CNIH3: variants seen among roughly 807,000 people sequenced by gnomAD.
CNIH3 encodes cornichon family AMPA receptor auxiliary protein 3, also known as protein cornichon homolog 3.
CNIH3 carries 14 observed loss-of-function variants against 24.1 expected under a neutral mutation model. The observed-to-expected ratio is 0.58, with a 90% CI of 0.38 to 0.91. The LOEUF (loss-of-function observed/expected upper bound fraction) is 0.91. Among genes scored for constraint, CNIH3 ranks in the 40% least tolerant of loss-of-function variants. The pLI is 0.00. For synonymous variants in CNIH3, 68 were observed against 73.8 expected (o/e 0.92, Z 0.40); for missense variants, 178 against 196.8 (o/e 0.90, Z 0.57).
intron 1 of CNIH3, among the ~76,000 whole-genome samples, chr1:224,462,004 CT>C (rs1227513896): frequency 9.9e-5 from 15 of 151,990 alleles, no homozygotes; most frequent in Non-Finnish European, 5.9e-5. Flanking sequence ...AAAAAAAAGA[CT>C]TTTACTTTTT....
Position 224,694,456 on chromosome 1 carries a change from C to T in CNIH3, c.198+9613C>T, listed in dbSNP as rs371303286. Among the ~76,000 whole-genome samples the T allele has an allele frequency of 7.9e-5, 12 of 152,242 alleles. No individual in the cohort carries two copies. In the East Asian group the frequency reaches 9.7e-4, roughly 12 times the overall value. On this transcript the variant is annotated intron_variant, in intron 3 of 5. Transcript: ENST00000272133. ...GGATTGATGATTAAACATACGACTC[C>T]GCAAGGTAGATTCCTATCCACCCAG...
Position 224,667,140 on chromosome 1 carries a change from C to T in CNIH3, c.82-13818C>T, listed in dbSNP as rs115738293. ...TTCAGTGAATGAAATAACTCTGACT[C>T]GTGAGTTGACCTGGCACAGTCCCAG... On this transcript the variant is annotated intron_variant, in intron 1 of 5. Coordinates refer to ENST00000272133, the MANE Select transcript of CNIH3 (RefSeq NM_152495.2). Among the ~76,000 whole-genome samples the T allele has an allele frequency of 4.1e-3, 629 of 152,254 alleles. 6 individuals are homozygous for T. Among genetic ancestry groups the T allele is most frequent in the African/African-American group, 0.014 (595 of 41,538 alleles).
chr1:224,637,245 G>A (rs890908239), intron 1 of CNIH3, among the ~76,000 whole-genome samples: 2 of 152,104 alleles, frequency 1.3e-5, no homozygotes, highest in Non-Finnish European at 2.9e-5. Context: ...GAACCACCAC[G>A]CCCAGCGAGA....
chr1:224,614,775 C>T (rs61247305), upstream of CNIH3, among the ~76,000 whole-genome samples: 4,162 of 151,930 alleles, frequency 0.027, 165 homozygotes, highest in African/African-American at 0.079. Context: ...GGTGAAACCC[C>T]GTCTTTACTA....
chr1:224,688,792 G>A (rs563098859), intron 3 of CNIH3, among the ~76,000 whole-genome samples: 166 of 152,046 alleles, frequency 1.1e-3, no homozygotes, highest in African/African-American at 3.7e-3. Flanking sequence ...GGGCGTGGTG[G>A]TGGGCGCCTG....
chr1:224,730,097 C>T (rs1689242648), intron 3 of CNIH3, among the ~76,000 whole-genome samples: 1 of 152,176 alleles, frequency 6.6e-6, no homozygotes, highest in Non-Finnish European at 1.5e-5. Context: ...GAAACCCTTG[C>T]AGTATTTCTC....
At chr1:224,691,920 C>G (rs1294831893) in intron 3 of CNIH3, among the ~76,000 whole-genome samples, 1 of 152,128 alleles carries the variant, frequency 6.6e-6, no homozygotes, top group Non-Finnish European at 1.5e-5. Context: ...TTTCTTTGAC[C>G]TAAGTGGGGG....
intron 1 of CNIH3, among the ~76,000 whole-genome samples, chr1:224,474,423 A>C (rs1480765017): frequency 1.3e-5 from 2 of 152,064 alleles, no homozygotes; most frequent in Non-Finnish European, 2.9e-5. Flanking sequence ...TGATAGTGGA[A>C]ACACAACATA....
chr1:224,465,548 C>T (rs547867009), intron 1 of CNIH3, among the ~76,000 whole-genome samples: 1 of 152,330 alleles, frequency 6.6e-6, no homozygotes, highest in African/African-American at 2.4e-5. Flanking sequence ...GTTTTACTTA[C>T]ACATTTGTTA....
At chr1:224,579,065 T>C (rs531279889) in intron 4 of CNIH3, among the ~76,000 whole-genome samples, 2 of 148,230 alleles carry the variant, frequency 1.3e-5, no homozygotes, top group East Asian at 4.1e-4. Context: ...TGTTTCTTTT[T>C]TCTTTTTTTT....
intron 1 of CNIH3, among the ~76,000 whole-genome samples, chr1:224,620,014 A>G (rs973428431): frequency 2.0e-5 from 3 of 152,118 alleles, no homozygotes; most frequent in Admixed American, 6.5e-5. Context: ...TTCCCACTGG[A>G]TGTCTGGGAG....
downstream of CNIH3, among the ~76,000 whole-genome samples, chr1:224,538,944 A>G (rs1679404833): frequency 6.6e-6 from 1 of 150,896 alleles, no homozygotes; most frequent in Non-Finnish European, 1.5e-5. Flanking sequence ...CTGCGATTAC[A>G]GGCATAAGCC....
intron 3 of CNIH3, among the ~76,000 whole-genome samples, chr1:224,701,347 G>C (rs1687479492): frequency 6.6e-6 from 1 of 152,160 alleles, no homozygotes; most frequent in Non-Finnish European, 1.5e-5. Context: ...AGGCTGGGAA[G>C]TCCAAGATTA....
chr1:224,707,563 C>T (rs541061175), intron 3 of CNIH3, among the ~76,000 whole-genome samples: 63 of 151,852 alleles, frequency 4.1e-4, no homozygotes, highest in African/African-American at 1.4e-3. Context: ...GGTCCTGGGA[C>T]GGTCCGAGAA....
chr1:224,613,025 C>A (rs76040686), upstream of CNIH3, among the ~76,000 whole-genome samples: 405 of 152,260 alleles, frequency 2.7e-3, 9 homozygotes, highest in East Asian at 0.074. Context: ...TTGAGACAGG[C>A]TCTCGCTTTG....
intron 5 of CNIH3, among the ~76,000 whole-genome samples, chr1:224,737,064 T>G (rs879300965): frequency 2.2e-4 from 34 of 152,164 alleles, no homozygotes; most frequent in African/African-American, 8.2e-4. Flanking sequence ...CTCCTGCCCC[T>G]TTAGCCTGGG....
intron 3 of CNIH3, among the ~76,000 whole-genome samples, chr1:224,719,943 A>T (rs1261138333): frequency 6.6e-6 from 1 of 152,222 alleles, no homozygotes; most frequent in African/African-American, 2.4e-5. Flanking sequence ...ACACATATGC[A>T]TGTGCTCGAA....
chr1:224,572,649 T>G (rs1316689619), intron 4 of CNIH3, among the ~76,000 whole-genome samples: 1 of 151,856 alleles, frequency 6.6e-6, no homozygotes, highest in Non-Finnish European at 1.5e-5. Context: ...TTTTTTAATA[T>G]TTCTGCCCCA....
chr1:224,591,340 T>C (rs917942953), downstream of CNIH3, among the ~76,000 whole-genome samples: 1 of 152,208 alleles, frequency 6.6e-6, no homozygotes, highest in Non-Finnish European at 1.5e-5. Flanking sequence ...AGCTCTTCAG[T>C]GGGACTCCCT....
Sources: allele counts gnomAD v4.1 joint callset (sites outside exome capture counted in the v4.1 genomes callset), GRCh38; gene constraint gnomAD v4.1.1; transcripts MANE v1.5; gene names NCBI Gene and HGNC (gene_info 2026-07-23, HGNC 2026-07-21).